NRG1: variants seen among roughly 807,000 people sequenced by gnomAD.
NRG1 encodes pro-neuregulin-1, membrane-bound isoform.
NRG1 carries 18 observed loss-of-function variants against 63.8 expected under a neutral mutation model. The observed-to-expected ratio is 0.28, with a 90% CI of 0.19 to 0.42. The LOEUF (loss-of-function observed/expected upper bound fraction) is 0.42. Ranked by LOEUF, NRG1 falls within the 10% of genes least tolerant of loss-of-function variation. The probability of loss-of-function intolerance (pLI) is 1.00; values close to 1 mark genes in which losing one functional copy is unlikely to be tolerated. For missense variants in NRG1, 762 were observed against 814.7 expected (o/e 0.94, Z 0.79); for synonymous variants, 302 against 301.3 (o/e 1.00, Z -0.02).
At chr8:32,769,931 T>C (rs1831672215), downstream of NRG1, among the ~76,000 whole-genome samples, 1 of 152,210 alleles carries the variant, frequency 6.6e-6, no homozygotes, top group African/African-American at 2.4e-5. Context: ...AAAAGAGTTT[T>C]GTTACCTGGA....
At chr8:32,498,075 G>A (rs1025330463) in intron 1 of NRG1, among the ~76,000 whole-genome samples, 2 of 152,058 alleles carry the variant, frequency 1.3e-5, no homozygotes, top group Non-Finnish European at 2.9e-5. Flanking sequence ...CACTCACCTC[G>A]GCCTCCCAAA....
At chr8:32,646,913 GAGAGAGA>G in intron 5 of NRG1, 1 of 984,386 alleles carries the variant, frequency 1.0e-6, no homozygotes, top group Non-Finnish European at 1.2e-6. Flanking sequence ...GGGGAGGAAA[GAGAGAGA>G]GGAGAGAGGA....
chr8:31,669,163 C>G (rs1806847699), intron 1 of NRG1, among the ~76,000 whole-genome samples: 1 of 152,050 alleles, frequency 6.6e-6, no homozygotes, highest in Non-Finnish European at 1.5e-5. Context: ...ACAAGCGATC[C>G]TCCCACCTCA....
chr8:31,753,693 G>T (rs1251249972), intron 1 of NRG1, among the ~76,000 whole-genome samples: 1 of 152,002 alleles, frequency 6.6e-6, no homozygotes, highest in Non-Finnish European at 1.5e-5. Flanking sequence ...GAGAAGGAAA[G>T]AAAAACTAAA....
intron 1 of NRG1, among the ~76,000 whole-genome samples, chr8:32,071,718 G>T (rs951566461): frequency 6.6e-6 from 1 of 152,176 alleles, no homozygotes; most frequent in African/African-American, 2.4e-5. Context: ...TCAAGCAGGT[G>T]CAGTGGTGTT....
chr8:32,099,747 G>A (rs796778877), intron 1 of NRG1: 2 of 152,218 alleles, frequency 1.3e-5, no homozygotes, highest in African/African-American at 2.4e-5. Context: ...ATGATGACAA[G>A]GTTTGCTTGG....
At chr8:32,171,948 G>C (rs928753757) in intron 1 of NRG1, among the ~76,000 whole-genome samples, 1 of 152,176 alleles carries the variant, frequency 6.6e-6, no homozygotes, top group African/African-American at 2.4e-5. Flanking sequence ...AAAGGCAGCA[G>C]AATCCTCTGC....
intron 6 of NRG1, among the ~76,000 whole-genome samples, chr8:32,730,377 C>T (rs1183801954): frequency 2.0e-5 from 3 of 151,896 alleles, no homozygotes; most frequent in African/African-American, 4.8e-5. Context: ...CACTTGAGCC[C>T]GGAAGGTTGA....
intron 1 of NRG1, among the ~76,000 whole-genome samples, chr8:32,176,365 A>G (rs1162631194): frequency 2.0e-5 from 3 of 152,250 alleles, no homozygotes; most frequent in African/African-American, 4.8e-5. Flanking sequence ...ACCTGAAACC[A>G]TAAAAACCCT....
chr8:32,272,659 G>A (rs1851667455), intron 1 of NRG1, among the ~76,000 whole-genome samples: 1 of 152,138 alleles, frequency 6.6e-6, no homozygotes, highest in East Asian at 1.9e-4. Flanking sequence ...GGATGCAAGA[G>A]GCTAGTAAGG....
chr8:32,194,580 T>G (rs1056414341), intron 1 of NRG1, among the ~76,000 whole-genome samples: 2 of 152,098 alleles, frequency 1.3e-5, no homozygotes, highest in Non-Finnish European at 2.9e-5. Flanking sequence ...CAGTAGACAC[T>G]GGGAGGACAA....
intron 5 of NRG1, among the ~76,000 whole-genome samples, chr8:32,681,563 A>G (rs1808631475): frequency 6.6e-6 from 1 of 152,158 alleles, no homozygotes; most frequent in Non-Finnish European, 1.5e-5. Flanking sequence ...CTACATGGAG[A>G]ATATATTGAT....
intron 1 of NRG1, among the ~76,000 whole-genome samples, chr8:32,082,214 A>G (rs151067135): frequency 8.0e-6 from 1 of 124,230 alleles, no homozygotes; most frequent in Non-Finnish European, 1.7e-5. Context: ...TTTTTTTTTT[A>G]ATTTTTATTT....
chr8:32,358,391 A>G (rs1587038944), intron 1 of NRG1, among the ~76,000 whole-genome samples: 1 of 120,460 alleles, frequency 8.3e-6, no homozygotes, highest in African/African-American at 3.3e-5. Flanking sequence ...AAAAAAAAAA[A>G]CCATGGGAGT....
chr8:32,314,281 C>G (rs1406839921), intron 1 of NRG1, among the ~76,000 whole-genome samples: 1 of 152,118 alleles, frequency 6.6e-6, no homozygotes, highest in African/African-American at 2.4e-5. Context: ...GGCTTTACAC[C>G]CCAGCTATGC....
intron 1 of NRG1, among the ~76,000 whole-genome samples, chr8:31,776,172 G>A (rs1004893119): frequency 5.3e-5 from 8 of 152,192 alleles, no homozygotes; most frequent in African/African-American, 1.9e-4. Flanking sequence ...TGGAACTCGA[G>A]GGGTTGGCCA....
chr8:32,518,176 G>T (rs1313406465), intron 1 of NRG1, among the ~76,000 whole-genome samples: 4 of 152,166 alleles, frequency 2.6e-5, no homozygotes, highest in Non-Finnish European at 5.9e-5. Flanking sequence ...TTTCATGCTT[G>T]TTATTTTGAT....
intron 1 of NRG1, chr8:32,191,976 T>A (rs1407582859): frequency 6.6e-6 from 1 of 152,334 alleles, no homozygotes; most frequent in Non-Finnish European, 1.5e-5. Context: ...ACAGCAGACA[T>A]GGACCCACTT....
At chr8:31,964,330 T>C (rs327408) in intron 1 of NRG1, among the ~76,000 whole-genome samples, 4,662 of 152,256 alleles carry the variant, frequency 0.031, 211 homozygotes, top group African/African-American at 0.11. Context: ...GAAGTGGACA[T>C]TGTTTTGAGA....
Sources: allele counts gnomAD v4.1 joint callset (sites outside exome capture counted in the v4.1 genomes callset), GRCh38; gene constraint gnomAD v4.1.1; transcripts MANE v1.5; gene names NCBI Gene and HGNC (gene_info 2026-07-23, HGNC 2026-07-21).